Variants in LRRC71 observed in about 807,000 individuals in gnomAD.
LRRC71 encodes the protein leucine-rich repeat-containing protein 71.
In LRRC71, 54 loss-of-function variants were observed where a neutral mutation model predicts 66.6. That is an observed-to-expected ratio of 0.81 (90% confidence interval 0.65 to 1.02). The LOEUF (loss-of-function observed/expected upper bound fraction) is 1.02, where lower values mean the gene tolerates loss of function less well. Ranked by LOEUF, LRRC71 falls within the 50% of genes least tolerant of loss-of-function variation. The pLI, the probability that LRRC71 is intolerant of heterozygous loss-of-function variation, is 0.00. For synonymous variants in LRRC71, 323 were observed against 303.9 expected, an observed-to-expected ratio of 1.06 and a Z score of -0.65; for missense variants, 724 against 718.0, an observed-to-expected ratio of 1.01 and a Z score of -0.10.
downstream of LRRC71, chr1:156,937,571 T>TC: frequency 6.9e-7 from 1 of 1,456,794 alleles, no homozygotes; most frequent in Middle Eastern, 1.9e-4. Flanking sequence ...CCTGTGGGAT[T>TC]CCCCAGCCAC....
chr1:156,927,765 G>A lies in LRRC71; in HGVS notation c.855G>A (p.Leu285=). ...GLRLNRSLLW[L]SLAHNRIQDK... ...GGCTGAACCGTTCCCTGCTCTGGCT[G>A]TCCCTGGCCCACAACCGCATCCAGG... The change falls in exon 8 of 15, where the codon CTG becomes CTA. Residue 285 remains leucine, a synonymous_variant. Transcript: ENST00000337428. 6.2e-7 allele frequency: 1 copy of A among 1,611,720 alleles called. No individual in the cohort carries two copies. The highest frequency in any genetic ancestry group is 1.1e-5 in the South Asian group (1 of 91,084).
chr1:156,933,124 C>T (rs1654639741), downstream of LRRC71: 2 of 594,926 alleles, frequency 3.4e-6, no homozygotes, highest in East Asian at 5.7e-5. Context: ...TCCAGAACTA[C>T]TTGGAACATT....
intron 12 of LRRC71, among the ~76,000 whole-genome samples, chr1:156,931,236 CTCTT>C (rs1654322231): frequency 1.3e-5 from 2 of 152,092 alleles, no homozygotes; most frequent in Admixed American, 6.5e-5. Flanking sequence ...GCATCCGCCT[CTCTT>C]TATTTTTCTC....
chr1:156,930,432 G>A, intron 11 of LRRC71, 97 bp from the exon 12 acceptor site: 1 of 1,076,090 alleles, frequency 9.3e-7, no homozygotes, highest in Non-Finnish European at 1.4e-6. Flanking sequence ...CCAAAGTTGG[G>A]GGGTCTCTTT....
downstream of LRRC71, chr1:156,937,349 G>C (rs753401313): frequency 7.4e-6 from 12 of 1,613,088 alleles, no homozygotes; most frequent in East Asian, 2.7e-4. Flanking sequence ...GGGGCGTCTT[G>C]GATCATCGTT....
chr1:156,925,270 C>A (rs771071035), intron 5 of LRRC71, among the ~76,000 whole-genome samples: 22 of 152,228 alleles, frequency 1.4e-4, no homozygotes, highest in Non-Finnish European at 3.1e-4. Context: ...CTGCATTAGT[C>A]TCATTACCCT....
chr1:156,937,627 C>T (rs150392840), downstream of LRRC71: 1,286 of 980,412 alleles, frequency 1.3e-3, 9 homozygotes, highest in African/African-American at 0.016. Context: ...ACTCAGAGAA[C>T]GTGGGCCTTG....
intron 14 of LRRC71, 105 bp from the exon 15 acceptor site, chr1:156,932,748 T>C (rs868669110): frequency 6.8e-7 from 1 of 1,476,878 alleles, no homozygotes; most frequent in Non-Finnish European, 9.3e-7. Flanking sequence ...TTTCTGCATG[T>C]CCCCCAGCCC....
At chr1:156,933,794 G>A (rs1023501981), downstream of LRRC71, among the ~76,000 whole-genome samples, 5 of 152,306 alleles carry the variant, frequency 3.3e-5, no homozygotes, top group Middle Eastern at 3.4e-3. Flanking sequence ...CCAAGATGGC[G>A]CAGATCAGCA....
chr1:156,926,823 G>A (rs749928165), intron 5 of LRRC71, among the ~76,000 whole-genome samples: 5 of 152,132 alleles, frequency 3.3e-5, no homozygotes, highest in African/African-American at 1.2e-4. Flanking sequence ...CAATCTGCCC[G>A]CCTTGGCCTC....
At position 156,930,634 on chromosome 1, in the gene LRRC71, A is replaced by G; in HGVS notation, c.1329+17A>G. Reference sequence around the variant, plus strand: ...GAGTCCGAGGTAAGTTGCCAGGAGGAGTGGAGGCAGGGGGCACACCCCTGG... The same window carrying G: ...GAGTCCGAGGTAAGTTGCCAGGAGGGGTGGAGGCAGGGGGCACACCCCTGG... On this transcript the variant is annotated intron_variant, in intron 12 of 14. Transcript: ENST00000337428. The G allele has an allele frequency of 6.4e-7, 1 of 1,552,492 alleles. No individual in the cohort carries two copies. Among genetic ancestry groups the G allele is most frequent in the Non-Finnish European group, 8.7e-7 (1 of 1,147,048 alleles).
intron 1 of LRRC71, chr1:156,921,712 A>AAC (rs34547094): frequency 0.061 from 16,948 of 278,272 alleles, 1,000 homozygotes; most frequent in African/African-American, 0.11. Context: ...TTACATTCAA[A>AAC]ACACACACAC....
At chr1:156,921,113 C>A in intron 1 of LRRC71, 150 bp downstream of exon 1, 1 of 1,027,576 alleles carries the variant, frequency 9.7e-7, no homozygotes, top group Non-Finnish European at 1.3e-6. Context: ...TTCAATTGAA[C>A]TTGATCTTAA....
At chr1:156,936,778 C>T, downstream of LRRC71, 3 of 1,589,628 alleles carry the variant, frequency 1.9e-6, no homozygotes, top group Non-Finnish European at 2.6e-6. Flanking sequence ...GACTTCTCCC[C>T]CAATGGTAGG....
rs575931446 is a variant in LRRC71 at position 156,930,194 on chromosome 1, G to A, written c.1241-335G>A. 2.0e-5 allele frequency among the ~76,000 whole-genome samples: 3 copies of A among 149,856 alleles called. No individual in the cohort carries two copies. In the East Asian group the frequency reaches 5.9e-4, roughly 30 times the overall value. ...TGCAACCTCTGTCTCCTGGGTTCAAGCAGTTCTCCTGCCCCAGCTTACCCA... is the reference window on the plus strand; with the variant it reads ...TGCAACCTCTGTCTCCTGGGTTCAAACAGTTCTCCTGCCCCAGCTTACCCA... On this transcript the variant is annotated intron_variant, in intron 11 of 14. Transcript: ENST00000337428.
chr1:156,936,158 T>G (rs757226255), downstream of LRRC71: 1 of 1,195,156 alleles, frequency 8.4e-7, no homozygotes, highest in Non-Finnish European at 1.3e-6. Context: ...AGATCCTTCA[T>G]CACCTTCCTT....
At chr1:156,938,732 G>C in the LRRC71 span, 1 of 503,752 alleles carries the variant, frequency 2.0e-6, no homozygotes, top group East Asian at 3.3e-5. Context: ...TCAGTTCCCA[G>C]AAACCCAGGA....
At chr1:156,933,249 C>T (rs970243164), downstream of LRRC71, among the ~76,000 whole-genome samples, 2 of 152,232 alleles carry the variant, frequency 1.3e-5, no homozygotes, top group East Asian at 1.9e-4. Flanking sequence ...GGGGCATTGC[C>T]GTTCTGCCTC....
chr1:156,925,158 C>T, intron 5 of LRRC71, 143 bp downstream of exon 5: 1 of 761,040 alleles, frequency 1.3e-6, no homozygotes, highest in South Asian at 1.7e-5. Context: ...CAGGCAATGT[C>T]TGTTGGATCA....
Sources: allele counts gnomAD v4.1 joint callset (sites outside exome capture counted in the v4.1 genomes callset), GRCh38; gene constraint gnomAD v4.1.1; transcripts MANE v1.5; gene names NCBI Gene and HGNC (gene_info 2026-07-23, HGNC 2026-07-21).